UNC5D: variants seen among roughly 807,000 people sequenced by gnomAD.
UNC5D encodes the protein unc-5 netrin receptor D.
In UNC5D, 39 loss-of-function variants were observed where a neutral mutation model predicts 105.4. The observed-to-expected ratio is 0.37, with a 90% CI of 0.29 to 0.48. The LOEUF (loss-of-function observed/expected upper bound fraction) is 0.48. Among genes scored for constraint, UNC5D ranks in the 20% least tolerant of loss-of-function variants. The pLI, the probability that UNC5D is intolerant of heterozygous loss-of-function variation, is 0.98. For synonymous variants in UNC5D, 452 were observed against 450.4 expected (o/e 1.00, Z -0.04); for missense variants, 991 against 1,202.4 (o/e 0.82, Z 2.60).
At chr8:35,389,415 T>G (rs1189012500) in intron 1 of UNC5D, among the ~76,000 whole-genome samples, 1 of 152,206 alleles carries the variant, frequency 6.6e-6, no homozygotes, top group East Asian at 1.9e-4. Context: ...CAGATGCTGC[T>G]GCAGGCTTTT....
At chr8:35,480,619 T>C (rs1172963575) in intron 1 of UNC5D, among the ~76,000 whole-genome samples, 4 of 152,220 alleles carry the variant, frequency 2.6e-5, no homozygotes, top group African/African-American at 9.6e-5. Context: ...GTCTGTTCTA[T>C]GTTTTTAGGA....
At chr8:35,586,220 G>A (rs1818783790) in intron 3 of UNC5D, among the ~76,000 whole-genome samples, 1 of 152,186 alleles carries the variant, frequency 6.6e-6, no homozygotes, top group South Asian at 2.1e-4. Context: ...GTTACAGTGA[G>A]CCAAGATTGC....
chr8:35,609,220 A>G (rs1034292034), intron 4 of UNC5D, among the ~76,000 whole-genome samples: 1 of 152,104 alleles, frequency 6.6e-6, no homozygotes, highest in East Asian at 1.9e-4. Flanking sequence ...TGAAACATGT[A>G]TATTCATATC....
Position 35,308,995 on chromosome 8 carries a change from T to A in UNC5D, c.103+73108T>A, listed in dbSNP as rs528994623. ...GAGAGCCCGGCTGGCTAGATAGGGG[T>A]GGTGATTTTAAGACCATTGCTTACC... On this transcript the variant is annotated intron_variant, in intron 1 of 16. Coordinates refer to ENST00000404895, the MANE Select transcript of UNC5D (RefSeq NM_080872.4). Among the ~76,000 whole-genome samples, 3 of 151,930 alleles carry A rather than the reference T, an allele frequency of 2.0e-5. No individual in the cohort carries two copies. The South Asian group carries it at 6.2e-4, about 32-fold the overall frequency.
At chr8:35,751,733 G>A (rs1366767260) in intron 13 of UNC5D, among the ~76,000 whole-genome samples, 4 of 152,282 alleles carry the variant, frequency 2.6e-5, no homozygotes, top group African/African-American at 9.6e-5. Context: ...TGGGGTACTT[G>A]GCATTCAAGA....
intron 1 of UNC5D, among the ~76,000 whole-genome samples, chr8:35,270,131 A>G (rs1030759355): frequency 2.0e-5 from 3 of 152,042 alleles, no homozygotes; most frequent in African/African-American, 7.2e-5. Context: ...TTTTCTTTCC[A>G]CCAGCCATGA....
intron 1 of UNC5D, among the ~76,000 whole-genome samples, chr8:35,341,403 A>G (rs891050124): frequency 6.6e-6 from 1 of 151,966 alleles, no homozygotes; most frequent in Non-Finnish European, 1.5e-5. Context: ...TAGTGATCAG[A>G]AAAGCCGAAA....
At chr8:35,240,549 A>C (rs1173182427) in intron 1 of UNC5D, among the ~76,000 whole-genome samples, 1 of 152,148 alleles carries the variant, frequency 6.6e-6, no homozygotes, top group Non-Finnish European at 1.5e-5. Flanking sequence ...TGAGGTAAGT[A>C]CTGTGATTAC....
chr8:35,398,314 T>A (rs1037975867), intron 1 of UNC5D, among the ~76,000 whole-genome samples: 1 of 152,182 alleles, frequency 6.6e-6, no homozygotes, highest in African/African-American at 2.4e-5. Flanking sequence ...TCTCTATATA[T>A]AACAACCTAT....
At chr8:35,636,511 T>C (rs1822379865) in intron 4 of UNC5D, among the ~76,000 whole-genome samples, 1 of 152,132 alleles carries the variant, frequency 6.6e-6, no homozygotes, top group Non-Finnish European at 1.5e-5. Context: ...CATTGCCAAA[T>C]GTTCCCCTAG....
At chr8:35,447,567 A>G (rs923472730) in intron 1 of UNC5D, among the ~76,000 whole-genome samples, 1 of 152,074 alleles carries the variant, frequency 6.6e-6, no homozygotes, top group African/African-American at 2.4e-5. Flanking sequence ...TGGAGAGAAT[A>G]TTACTGTATT....
At chr8:35,457,123 A>C (rs1808551445) in intron 1 of UNC5D, among the ~76,000 whole-genome samples, 1 of 152,244 alleles carries the variant, frequency 6.6e-6, no homozygotes. Context: ...TTGATTTGAA[A>C]ATGAAATCAA....
chr8:35,362,412 G>A (rs1801905600), intron 1 of UNC5D, among the ~76,000 whole-genome samples: 1 of 152,156 alleles, frequency 6.6e-6, no homozygotes, highest in Non-Finnish European at 1.5e-5. Context: ...CTTCTGGGTA[G>A]AGCACTTTCT....
intron 1 of UNC5D, among the ~76,000 whole-genome samples, chr8:35,450,115 C>A (rs1808049725): frequency 6.6e-6 from 1 of 152,160 alleles, no homozygotes; most frequent in African/African-American, 2.4e-5. Flanking sequence ...CATCCCTCTG[C>A]TGAGTTTTAA....
chr8:35,394,098 C>G (rs1023550207), intron 1 of UNC5D, among the ~76,000 whole-genome samples: 4 of 152,070 alleles, frequency 2.6e-5, no homozygotes, highest in Non-Finnish European at 5.9e-5. Flanking sequence ...AGGCAAACCA[C>G]TTAACCTTTC....
intron 1 of UNC5D, among the ~76,000 whole-genome samples, chr8:35,280,825 T>C (rs1363071271): frequency 6.6e-6 from 1 of 152,194 alleles, no homozygotes; most frequent in Non-Finnish European, 1.5e-5. Flanking sequence ...CATAGATTCA[T>C]TCCATCTTCA....
chr8:35,743,573 C>A (rs1454953037), intron 11 of UNC5D, among the ~76,000 whole-genome samples: 1 of 151,492 alleles, frequency 6.6e-6, no homozygotes. Context: ...GCCACCATGC[C>A]CAGCTGCACT....
At chr8:35,630,703 GA>G (rs1415382246) in intron 4 of UNC5D, among the ~76,000 whole-genome samples, 1 of 152,100 alleles carries the variant, frequency 6.6e-6, no homozygotes, top group East Asian at 1.9e-4. Context: ...CGTAAGGCGG[GA>G]AAAAGGCTGC....
chr8:35,483,467 TG>T (rs1461102911), intron 1 of UNC5D, among the ~76,000 whole-genome samples: 1 of 152,200 alleles, frequency 6.6e-6, no homozygotes, highest in Admixed American at 6.5e-5. Flanking sequence ...TTTCATACAT[TG>T]CTAGCAAGCA....
Sources: gnomAD v4.1 joint callset for allele counts (sites outside exome capture counted in the v4.1 genomes callset) on GRCh38, gnomAD v4.1.1 for gene constraint, MANE v1.5 for transcripts, NCBI Gene and HGNC (gene_info 2026-07-23, HGNC 2026-07-21) for gene names.